The following PPP2R2D variants were observed in gnomAD, a reference collection of about 807,000 sequenced individuals.
The protein encoded by PPP2R2D is protein phosphatase 2 regulatory subunit Bdelta.
Under a neutral mutation model 31.1 loss-of-function variants are expected in PPP2R2D, and 9 were observed. The ratio of observed to expected loss-of-function variants is 0.29; its 90% CI spans 0.17 to 0.51. PPP2R2D has a LOEUF of 0.51. Ranked by LOEUF, PPP2R2D falls within the 20% of genes least tolerant of loss-of-function variation. The probability of loss-of-function intolerance (pLI) is 0.98; values close to 1 mark genes in which losing one functional copy is unlikely to be tolerated. For synonymous variants in PPP2R2D, 179 were observed against 172.6 expected, an observed-to-expected ratio of 1.04 and a Z score of -0.29; for missense variants, 391 against 465.6, an observed-to-expected ratio of 0.84 and a Z score of 1.48.
chr10:131,955,681 C>T lies in PPP2R2D; in HGVS notation c.1083-3C>T, dbSNP rs1184128068. 1.4e-6 allele frequency: 2 copies of T among 1,425,560 alleles called. No homozygotes were observed. Among genetic ancestry groups the T allele is most frequent in the Non-Finnish European group, 1.8e-6 (2 of 1,082,222 alleles). The allele number at this position is 1,425,560 out of a possible 1,614,324, so 88.3% of individuals were successfully genotyped here. A position where few individuals can be genotyped will look rare whatever the true frequency, so the allele number is the denominator to read the frequency against. Reference sequence around the variant, plus strand: ...TGCTGCTGTCTGCTCTTGTTTTGAACAGCGCCATCATGACCGGGTCCTATA... The same window carrying T: ...TGCTGCTGTCTGCTCTTGTTTTGAATAGCGCCATCATGACCGGGTCCTATA... On this transcript the variant is annotated splice_region_variant and splice_polypyrimidine_tract_variant and intron_variant, in intron 8 of 8. Coordinates refer to ENST00000455566, the MANE Select transcript of PPP2R2D (RefSeq NM_018461.5).
At chr10:131,915,691 C>T (rs1480574152) in intron 2 of PPP2R2D, among the ~76,000 whole-genome samples, 2 of 152,218 alleles carry the variant, frequency 1.3e-5, no homozygotes, top group African/African-American at 2.4e-5. Flanking sequence ...CTGCCGTGGC[C>T]GCGCTTCTCC....
rs150909279 is a variant in PPP2R2D, at chr10:131,953,323, G to A, written c.1083-2361G>A. On this transcript the variant is annotated intron_variant, in intron 8 of 8. Transcript: ENST00000455566. ...CTGTCTTAGTGACTTGCAGGTGTGC[G>A]GGGGTTCACTGTCTTAGTGACTTCC... Among the ~76,000 whole-genome samples, 361 of 67,706 alleles carry A rather than the reference G, an allele frequency of 5.3e-3. 1 individual carries two copies. The highest frequency in any genetic ancestry group is 0.011 in the Middle Eastern group (1 of 94). The allele number at this position is 67,706 out of a possible 152,430, so 44.4% of individuals were successfully genotyped here. A position where few individuals can be genotyped will look rare whatever the true frequency, so the allele number is the denominator to read the frequency against.
chr10:131,966,370 AGAAG>A, the PPP2R2D span: 2 of 152,208 alleles, frequency 1.3e-5, no homozygotes, highest in African/African-American at 2.4e-5. Context: ...ACTGTAGAAA[AGAAG>A]GGTTATTTAC....
chr10:131,917,641 G>A (rs2035841642), intron 2 of PPP2R2D, among the ~76,000 whole-genome samples: 1 of 132,938 alleles, frequency 7.5e-6, no homozygotes, highest in Non-Finnish European at 1.6e-5. Context: ...CCTCAGGCGG[G>A]TGGAATGACA....
At chr10:131,970,397 T>A in the PPP2R2D span, 2 of 580,688 alleles carry the variant, frequency 3.4e-6, no homozygotes, top group Admixed American at 3.2e-5. This position sits in a 1 kb window ranked among gnomAD's most constrained non-coding sequence, Gnocchi z 4.1. Flanking sequence ...TTATATTCAG[T>A]GAGCAACAGG....
Position 131,945,056 on chromosome 10 carries a change from C to T in PPP2R2D, c.656-239C>T, listed in dbSNP as rs573476059. 2.6e-5 allele frequency among the ~76,000 whole-genome samples: 4 copies of T among 152,236 alleles called. No homozygotes were observed. Among genetic ancestry groups the T allele is most frequent in the African/African-American group, 4.8e-5 (2 of 41,530 alleles). ...ATTAATAATAGCAGCAAGATGAAAG[C>T]GGTGTTCGCTTGTCTGTGTCTCCCC... On this transcript the variant is annotated intron_variant, in intron 6 of 8. Coordinates refer to ENST00000455566, the MANE Select transcript of PPP2R2D (RefSeq NM_018461.5). This position sits in a 1 kb window ranked among gnomAD's most constrained non-coding sequence, Gnocchi z 4.8.
chr10:131,969,774 C>G, the PPP2R2D span: 3 of 149,240 alleles, frequency 2.0e-5, no homozygotes, highest in Non-Finnish European at 4.4e-5. Flanking sequence ...GGGACCAGCC[C>G]GAGGAGGAGC....
At chr10:131,906,638 A>G (rs1232326034) in intron 2 of PPP2R2D, among the ~76,000 whole-genome samples, 1 of 151,968 alleles carries the variant, frequency 6.6e-6, no homozygotes, top group Non-Finnish European at 1.5e-5. Flanking sequence ...ATGTAAGATA[A>G]TGTCTGGCTC....
chr10:131,960,457 T>G (rs1305896922), downstream of PPP2R2D, among the ~76,000 whole-genome samples: 1 of 152,204 alleles, frequency 6.6e-6, no homozygotes, highest in Admixed American at 6.5e-5. Context: ...TGAACCAGTT[T>G]ATGATGCCCT....
At chr10:131,964,917 C>T in the PPP2R2D span, among the ~76,000 whole-genome samples, 5 of 152,116 alleles carry the variant, frequency 3.3e-5, no homozygotes, top group African/African-American at 1.2e-4. Context: ...CACCCTCTTC[C>T]GTTTTCCATC....
rs1331340335 is a variant in PPP2R2D at position 131,958,607 on chromosome 10, T to G, written c.*2644T>G. On this transcript the variant is annotated 3_prime_UTR_variant, in exon 9 of 9. Coordinates refer to ENST00000455566, the MANE Select transcript of PPP2R2D (RefSeq NM_018461.5). ...CTGTGGGGATGAAGGTGTGTGCTGA[T>G]CTCTTGTCCCCCTGTGGAGATGGAG... 4.3e-6 allele frequency: 1 copy of G among 233,488 alleles called. No individual in the cohort carries two copies. Among genetic ancestry groups the G allele is most frequent in the Non-Finnish European group, 8.3e-6 (1 of 120,354 alleles). The allele number at this position is 233,488 out of a possible 1,614,324, so 14.5% of individuals were successfully genotyped here.
chr10:131,936,017 C>A (rs937566956), intron 3 of PPP2R2D, among the ~76,000 whole-genome samples: 2 of 151,420 alleles, frequency 1.3e-5, no homozygotes, highest in South Asian at 4.2e-4. Flanking sequence ...GAGCCAAGAT[C>A]GTGCCATTGC....
At chr10:131,960,340 CAGGTGG>C (rs1554901255), downstream of PPP2R2D, among the ~76,000 whole-genome samples, 1 of 152,188 alleles carries the variant, frequency 6.6e-6, no homozygotes, top group African/African-American at 2.4e-5. Flanking sequence ...GCCCGTGGTT[CAGGTGG>C]AGGTTTGCTG....
At chr10:131,906,013 C>T (rs1480092443) in intron 2 of PPP2R2D, among the ~76,000 whole-genome samples, 2 of 152,238 alleles carry the variant, frequency 1.3e-5, no homozygotes, top group East Asian at 1.9e-4. Context: ...TCAAGAATAG[C>T]ATCACTTTCC....
intron 3 of PPP2R2D, among the ~76,000 whole-genome samples, chr10:131,936,003 C>T (rs981835383): frequency 2.5e-4 from 38 of 151,412 alleles, no homozygotes; most frequent in African/African-American, 8.2e-4. Context: ...GCAGAGGTTG[C>T]GGTGAGCCAA....
At chr10:131,955,267 A>G (rs532823736) in intron 8 of PPP2R2D, among the ~76,000 whole-genome samples, 1 of 152,352 alleles carries the variant, frequency 6.6e-6, no homozygotes, top group South Asian at 2.1e-4. Context: ...TTTAACTCCA[A>G]AGAAACATTG....
At chr10:131,915,625 C>G (rs542964002) in intron 2 of PPP2R2D, among the ~76,000 whole-genome samples, 1 of 152,222 alleles carries the variant, frequency 6.6e-6, no homozygotes, top group African/African-American at 2.4e-5. Flanking sequence ...AGTGTTTATC[C>G]AAATAGATCC....
At chr10:131,942,907 G>T (rs528897617) in intron 5 of PPP2R2D, among the ~76,000 whole-genome samples, 1 of 151,990 alleles carries the variant, frequency 6.6e-6, no homozygotes, top group Non-Finnish European at 1.5e-5. Context: ...GCACTACCTG[G>T]GTTAAAATGA....
At chr10:131,968,680 G>A in the PPP2R2D span, 5 of 844,400 alleles carry the variant, frequency 5.9e-6, no homozygotes, top group Non-Finnish European at 9.6e-6. Flanking sequence ...GGGGACTGGT[G>A]ATTTTATACC....
Sources: gnomAD v4.1 joint callset for allele counts (sites outside exome capture counted in the v4.1 genomes callset) on GRCh38, gnomAD v4.1.1 for gene constraint, Gnocchi (gnomAD v3.1) non-coding constraint, MANE v1.5 for transcripts, NCBI Gene and HGNC (gene_info 2026-07-23, HGNC 2026-07-21) for gene names.